The following ZNF322 variants were observed in gnomAD, a reference collection of about 807,000 sequenced individuals.
The protein encoded by ZNF322 is zinc finger protein 322, also known as HLA complex group 12.
A neutral mutation model predicts 18.3 loss-of-function variants in ZNF322; 1 was observed. The ratio of observed to expected loss-of-function variants is 0.05; its 90% CI spans 0.02 to 0.26. ZNF322 has a LOEUF of 0.26. Ranked by LOEUF, ZNF322 falls within the 10% of genes least tolerant of loss-of-function variation. The pLI is 1.00. For missense variants in ZNF322, 36 were observed against 403.6 expected (o/e 0.09, Z 7.80); for synonymous variants, 17 against 130.7 (o/e 0.13, Z 5.93).
intron 2 of ZNF322, among the ~76,000 whole-genome samples, chr6:26,655,517 T>C (rs1251657602): frequency 1.3e-5 from 2 of 152,208 alleles, no homozygotes; most frequent in Non-Finnish European, 2.9e-5. Flanking sequence ...GAGAGCAGGA[T>C]TCCATGGCTT....
At position 26,636,617 on chromosome 6, in the gene ZNF322, G is replaced by A. The variant is rs1765358023; in HGVS notation, c.*728C>T. The A allele has an allele frequency of 6.7e-6, 1 of 149,770 alleles. No homozygotes were observed. Among genetic ancestry groups the A allele is most frequent in the Non-Finnish European group, 1.5e-5 (1 of 67,398 alleles). 9.3% of individuals were successfully genotyped at this position (149,770 alleles called of 1,614,324 possible). A position where few individuals can be genotyped will look rare whatever the true frequency, so the allele number is the denominator to read the frequency against. ...TTTTTTGGGGCCTGATAAGACAGGA[G>A]CTTCTACCAAAGGTTTTCTCAGACT... is the stretch of plus-strand genomic sequence containing the variant. On this transcript the variant is annotated 3_prime_UTR_variant, in exon 4 of 4. Transcript: ENST00000415922.
rs1242098497 is a variant in ZNF322 at position 26,649,671 on chromosome 6, G to GTA, written c.-245-5944_-245-5943insTA. On this transcript the variant is annotated intron_variant, in intron 2 of 3. Coordinates refer to ENST00000415922, the MANE Select transcript of ZNF322 (RefSeq NM_024639.5). Reference sequence around the variant, plus strand: ...TGTGTGTGTGTGTGTGTGTGTGTGTGTGTGTATATATATATATATATATAT... The same window carrying GTA: ...TGTGTGTGTGTGTGTGTGTGTGTGTGTATGTGTATATATATATATATATATAT... Among the ~76,000 whole-genome samples the GTA allele has an allele frequency of 3.2e-3, 121 of 37,822 alleles. 1 individual carries two copies. Among genetic ancestry groups the GTA allele is most frequent in the Middle Eastern group, 0.013 (1 of 80 alleles). 24.8% of individuals were successfully genotyped at this position (37,822 alleles called of 152,430 possible). A position where few individuals can be genotyped will look rare whatever the true frequency, so the allele number is the denominator to read the frequency against.
chr6:26,650,519 T>G (rs1765649168), intron 2 of ZNF322: 1 of 152,278 alleles, frequency 6.6e-6, no homozygotes, highest in South Asian at 2.1e-4. Flanking sequence ...GTAAGTGACA[T>G]GACCATATAT....
chr6:26,656,369 A>G (rs1243257758), intron 2 of ZNF322, among the ~76,000 whole-genome samples: 1 of 152,212 alleles, frequency 6.6e-6, no homozygotes, highest in Non-Finnish European at 1.5e-5. Context: ...GTCTCAGTAG[A>G]TGCTTAATAA....
intron 2 of ZNF322, among the ~76,000 whole-genome samples, chr6:26,645,783 G>A (rs1765547495): frequency 6.6e-6 from 1 of 152,156 alleles, no homozygotes; most frequent in Non-Finnish European, 1.5e-5. Flanking sequence ...TGTAATCCCC[G>A]CACTTTGGGA....
intron 3 of ZNF322, among the ~76,000 whole-genome samples, chr6:26,640,695 A>G (rs1765452121): frequency 6.6e-6 from 1 of 152,180 alleles, no homozygotes; most frequent in Non-Finnish European, 1.5e-5. Flanking sequence ...TTCATTCACT[A>G]TTGTTTCCCC....
At chr6:26,651,816 G>C (rs1451278297) in intron 2 of ZNF322, among the ~76,000 whole-genome samples, 2 of 152,108 alleles carry the variant, frequency 1.3e-5, no homozygotes, top group African/African-American at 2.4e-5. Flanking sequence ...AGAAAATCTA[G>C]ATAAACTCGG....
At position 26,638,693 on chromosome 6, in the gene ZNF322, T is replaced by A. The variant is rs782280984; in HGVS notation, c.-140A>T. ...CATGAGCCTCTACAAGTTTCCAGCA[T>A]CATATATGTTAATTCCTTACTTGGT... is the stretch of plus-strand genomic sequence containing the variant. On this transcript the variant is annotated 5_prime_UTR_variant, in exon 4 of 4. It removes an upstream start codon present in the reference 5' UTR. Coordinates refer to ENST00000415922, the MANE Select transcript of ZNF322 (RefSeq NM_024639.5). The A allele has an allele frequency of 1.2e-5, 11 of 921,072 alleles. No homozygotes were observed. The highest frequency in any genetic ancestry group is 1.8e-5 in the Non-Finnish European group (11 of 602,876). 57.1% of individuals were successfully genotyped at this position (921,072 alleles called of 1,614,324 possible).
rs1554150019 is a variant in ZNF322 at position 26,659,683 on chromosome 6, A to C, written c.-577T>G. The C allele has an allele frequency of 6.2e-6, 1 of 161,440 alleles. No individual in the cohort carries two copies. The highest frequency in any genetic ancestry group is 1.9e-4 in the East Asian group (1 of 5,202). The allele number at this position is 161,440 out of a possible 1,614,324, so 10.0% of individuals were successfully genotyped here. On this transcript the variant is annotated 5_prime_UTR_variant, in exon 1 of 4. Transcript: ENST00000415922. ...CAGAGCGCTTTAACAGAGCGCTTCA[A>C]GGGCCCACAAGGCCGGCTACGCAAA... is the stretch of plus-strand genomic sequence containing the variant.
At chr6:26,648,513 G>T (rs1765594879) in intron 2 of ZNF322, among the ~76,000 whole-genome samples, 1 of 152,118 alleles carries the variant, frequency 6.6e-6, no homozygotes, top group Non-Finnish European at 1.5e-5. Flanking sequence ...ATTTGGAGGT[G>T]ATTTAATAGT....
intron 3 of ZNF322, 56 bp from the exon 4 acceptor site, chr6:26,638,784 C>T (rs1554148068): frequency 1.5e-6 from 1 of 659,092 alleles, no homozygotes. Context: ...AAAGAATTCT[C>T]AAAATTAAAA....
At chr6:26,652,057 C>T (rs1377134018) in intron 2 of ZNF322, among the ~76,000 whole-genome samples, 1 of 152,162 alleles carries the variant, frequency 6.6e-6, no homozygotes, top group Admixed American at 6.5e-5. Context: ...TGGTATTGAA[C>T]TCCTGAGCTC....
chr6:26,650,962 C>T (rs782361474), intron 2 of ZNF322, among the ~76,000 whole-genome samples: 1 of 152,046 alleles, frequency 6.6e-6, no homozygotes, highest in South Asian at 2.1e-4. Flanking sequence ...CCTAGATTAG[C>T]GATCATAATG....
At chr6:26,640,851 C>T (rs1765455369) in intron 3 of ZNF322, among the ~76,000 whole-genome samples, 1 of 152,036 alleles carries the variant, frequency 6.6e-6, no homozygotes, top group Non-Finnish European at 1.5e-5. Flanking sequence ...GGAGAAGGTA[C>T]ACGGTTTCTT....
At chr6:26,655,365 G>C (rs182376268) in intron 2 of ZNF322, among the ~76,000 whole-genome samples, 1 of 152,256 alleles carries the variant, frequency 6.6e-6, no homozygotes, top group East Asian at 1.9e-4. Context: ...CTTGTTTTTA[G>C]TAAATATACA....
At chr6:26,647,268 C>T (rs957768895) in intron 2 of ZNF322, among the ~76,000 whole-genome samples, 2 of 151,702 alleles carry the variant, frequency 1.3e-5, no homozygotes, top group Admixed American at 6.6e-5. Context: ...GATCCTGTCT[C>T]TATTTTGTTT....
chr6:26,658,275 C>G (rs1554149879), intron 2 of ZNF322, among the ~76,000 whole-genome samples: 3 of 152,064 alleles, frequency 2.0e-5, no homozygotes, highest in Non-Finnish European at 4.4e-5. Flanking sequence ...GACTCCAGAG[C>G]CTGCCTAAGC....
chr6:26,644,417 G>A (rs984826260), intron 2 of ZNF322, among the ~76,000 whole-genome samples: 1 of 152,158 alleles, frequency 6.6e-6, no homozygotes, highest in Non-Finnish European at 1.5e-5. Flanking sequence ...ATACAGCTGA[G>A]GCTCTCTATG....
rs1353931486 is a variant in ZNF322, at chr6:26,658,649, AG to A, written c.-334-4del. 1 of 166,588 alleles carries A rather than the reference AG, an allele frequency of 6.0e-6. No individual in the cohort carries two copies. The highest frequency in any genetic ancestry group is 2.4e-5 in the African/African-American group (1 of 41,450). 10.3% of individuals were successfully genotyped at this position (166,588 alleles called of 1,614,324 possible). ...ACAACACTCAATTCTTGCCTCTCCTAGAGGAAAAATCAATAATGTAGACGAT... is the reference window on the plus strand; with the variant it reads ...ACAACACTCAATTCTTGCCTCTCCTAAGGAAAAATCAATAATGTAGACGAT... On this transcript the variant is annotated splice_polypyrimidine_tract_variant and splice_region_variant and intron_variant, in intron 1 of 3. Transcript: ENST00000415922.
Sources: allele counts gnomAD v4.1 joint callset (sites outside exome capture counted in the v4.1 genomes callset), GRCh38; gene constraint gnomAD v4.1.1; transcripts MANE v1.5; gene names NCBI Gene and HGNC (gene_info 2026-07-23, HGNC 2026-07-21).